Variants in POU3F3 observed in about 807,000 individuals in gnomAD.
POU3F3 encodes POU domain, class 3, transcription factor 3.
A neutral mutation model predicts 8.6 loss-of-function variants in POU3F3; 1 was observed. That is an observed-to-expected ratio of 0.12 (90% CI 0.04 to 0.55). The LOEUF is 0.55. Ranked by LOEUF, POU3F3 falls within the 20% of genes least tolerant of loss-of-function variation. POU3F3 has a pLI of 0.91. For missense variants in POU3F3, 577 were observed against 690.7 expected (o/e 0.84, Z 1.84); for synonymous variants, 418 against 327.4 (o/e 1.28, Z -2.99).
chr2:104,855,388 A>AAGGAGGGGGGG lies in POU3F3; in HGVS notation c.-116_-106dup, dbSNP rs1324558388. ...GCGGGGGCCCGGGGCGGGGGCGGGGAAGGAGGGGGGGAGGAGGCGGGAGGC... is the reference window on the plus strand; with the variant it reads ...GCGGGGGCCCGGGGCGGGGGCGGGGAAGGAGGGGGGGAGGAGGGGGGGAGGAGGCGGGAGGC... On this transcript the variant is annotated 5_prime_UTR_variant, in exon 1 of 1. Transcript: ENST00000361360. The AAGGAGGGGGGG allele has an allele frequency of 2.7e-5, 3 of 110,486 alleles. No homozygotes were observed. The African/African-American group carries it at 3.0e-4, about 11-fold the overall frequency. The allele number at this position is 110,486 out of a possible 1,614,324, so 6.8% of individuals were successfully genotyped here. A position where few individuals can be genotyped will look rare whatever the true frequency, so the allele number is the denominator to read the frequency against.
At chr2:104,910,590 T>G in the POU3F3 span, among the ~76,000 whole-genome samples, 1 of 152,222 alleles carries the variant, frequency 6.6e-6, no homozygotes, top group Non-Finnish European at 1.5e-5. Flanking sequence ...ATTGTGACAG[T>G]GAAGTGCTTA....
chr2:104,879,911 A>G, the POU3F3 span, among the ~76,000 whole-genome samples: 1 of 152,174 alleles, frequency 6.6e-6, no homozygotes, highest in Non-Finnish European at 1.5e-5. Flanking sequence ...CAAACTATAC[A>G]TTTATATTAA....
chr2:104,860,681 C>G (rs1676644788), downstream of POU3F3, among the ~76,000 whole-genome samples: 1 of 149,800 alleles, frequency 6.7e-6, no homozygotes, highest in Non-Finnish European at 1.5e-5. Context: ...CAACCATCTT[C>G]CCCTGGCAAG....
downstream of POU3F3, among the ~76,000 whole-genome samples, chr2:104,859,939 A>T (rs1349507792): frequency 6.6e-6 from 1 of 152,176 alleles, no homozygotes; most frequent in Non-Finnish European, 1.5e-5. Flanking sequence ...AGAGGCAAGC[A>T]AAGAAGTCCT....
chr2:104,865,029 A>C, the POU3F3 span, among the ~76,000 whole-genome samples: 1 of 152,154 alleles, frequency 6.6e-6, no homozygotes, highest in Non-Finnish European at 1.5e-5. Flanking sequence ...TGTAAAATAT[A>C]CTCAATTGCC....
the POU3F3 span, among the ~76,000 whole-genome samples, chr2:104,864,545 T>C: frequency 6.6e-6 from 1 of 152,242 alleles, no homozygotes; most frequent in Non-Finnish European, 1.5e-5. Context: ...TTGGTTTTTT[T>C]TCCAGTAAAA....
At chr2:104,882,407 A>G in the POU3F3 span, among the ~76,000 whole-genome samples, 42 of 152,064 alleles carry the variant, frequency 2.8e-4, 1 homozygote, top group African/African-American at 9.9e-4. Flanking sequence ...GCCTGCCACC[A>G]TGCCCGGCTA....
the POU3F3 span, among the ~76,000 whole-genome samples, chr2:104,913,258 G>C: frequency 6.6e-6 from 1 of 151,980 alleles, no homozygotes; most frequent in South Asian, 2.1e-4. Context: ...TCCTTGGCTG[G>C]CATTAAAGGA....
Position 104,855,818 on chromosome 2 carries a change from A to ACGC in POU3F3, c.327_329dup (p.Ala115dup), listed in dbSNP as rs754300848. On this transcript the variant is annotated inframe_insertion, in exon 1 of 1. Coordinates refer to ENST00000361360, the MANE Select transcript of POU3F3 (RefSeq NM_006236.3). ...CACCAGTGGGTCACAGCCCTGCCCC[A>ACGC]CGCCGCCGCCGCCGCCGCCGCTGCC... 170 of 1,123,442 alleles carry ACGC rather than the reference A, an allele frequency of 1.5e-4. 1 individual carries two copies. The highest frequency in any genetic ancestry group is 9.2e-4 in the Admixed American group (21 of 22,708). 69.6% of individuals were successfully genotyped at this position (1,123,442 alleles called of 1,614,324 possible).
chr2:104,907,550 A>G, the POU3F3 span, among the ~76,000 whole-genome samples: 1 of 152,326 alleles, frequency 6.6e-6, no homozygotes, highest in East Asian at 1.9e-4. Flanking sequence ...TTGAGCAAAT[A>G]AGTGGATGTT....
the POU3F3 span, among the ~76,000 whole-genome samples, chr2:104,886,290 G>A: frequency 3.3e-5 from 5 of 152,152 alleles, no homozygotes; most frequent in African/African-American, 1.2e-4. Context: ...TGTATAAGAT[G>A]ATAGTATATA....
the POU3F3 span, among the ~76,000 whole-genome samples, chr2:104,881,100 CTCTT>C: frequency 5.8e-5 from 7 of 120,434 alleles, no homozygotes; most frequent in African/African-American, 1.5e-4. Flanking sequence ...TATATATTTT[CTCTT>C]TCTTTCTTTA....
chr2:104,914,605 A>G, the POU3F3 span, among the ~76,000 whole-genome samples: 1 of 152,212 alleles, frequency 6.6e-6, no homozygotes, highest in East Asian at 1.9e-4. Context: ...GGAGCCTGTC[A>G]GTGTCCGTGG....
chr2:104,872,245 C>A, the POU3F3 span: 1 of 456,564 alleles, frequency 2.2e-6, no homozygotes, highest in Non-Finnish European at 4.4e-6. This position sits in a 1 kb window ranked among gnomAD's most constrained non-coding sequence, Gnocchi z 4.6. Context: ...TCTGGACTCA[C>A]CCGGCACGGT....
chr2:104,911,616 G>A, the POU3F3 span, among the ~76,000 whole-genome samples: 7 of 152,036 alleles, frequency 4.6e-5, no homozygotes, highest in Non-Finnish European at 1.0e-4. Flanking sequence ...TTGAGGACTT[G>A]AAAAGCCCTA....
the POU3F3 span, among the ~76,000 whole-genome samples, chr2:104,910,697 G>T: frequency 6.6e-6 from 1 of 152,148 alleles, no homozygotes; most frequent in African/African-American, 2.4e-5. Flanking sequence ...TGGAAGAATG[G>T]TTTCGAATTT....
At chr2:104,898,885 C>T in the POU3F3 span, among the ~76,000 whole-genome samples, 9 of 152,020 alleles carry the variant, frequency 5.9e-5, no homozygotes, top group Admixed American at 5.9e-4. Context: ...ATTTTTTTTA[C>T]CTGTTAAATT....
the POU3F3 span, among the ~76,000 whole-genome samples, chr2:104,902,669 C>A: frequency 2.6e-4 from 40 of 152,228 alleles, no homozygotes; most frequent in African/African-American, 8.7e-4. Flanking sequence ...CATTCATTCC[C>A]TTATAGCAAA....
At chr2:104,916,605 A>C in the POU3F3 span, among the ~76,000 whole-genome samples, 1 of 152,308 alleles carries the variant, frequency 6.6e-6, no homozygotes, top group African/African-American at 2.4e-5. Flanking sequence ...GAGGTATCTA[A>C]GAGGTATACC....
Sources: allele counts gnomAD v4.1 joint callset (sites outside exome capture counted in the v4.1 genomes callset), GRCh38; gene constraint gnomAD v4.1.1; non-coding constraint Gnocchi (gnomAD v3.1); transcripts MANE v1.5; gene names NCBI Gene and HGNC (gene_info 2026-07-23, HGNC 2026-07-21).